The following SRSF1 variants were observed in gnomAD, a reference collection of about 807,000 sequenced individuals.
The protein encoded by SRSF1 is serine/arginine-rich splicing factor 1.
A neutral mutation model predicts 25.9 loss-of-function variants in SRSF1; 1 was observed. That is an observed-to-expected ratio of 0.04 (90% CI 0.01 to 0.18). The LOEUF is 0.18. Among genes scored for constraint, SRSF1 ranks in the 10% least tolerant of loss-of-function variants. SRSF1 has a pLI of 1.00. For synonymous variants in SRSF1, 132 were observed against 126.2 expected (o/e 1.05, Z -0.31); for missense variants, 65 against 350.5 (o/e 0.19, Z 6.50).
At position 58,003,459 on chromosome 17, in the gene SRSF1, A is replaced by G. The variant is rs1406881571; in HGVS notation, c.*1947T>C. The G allele has an allele frequency of 2.0e-5, 3 of 152,238 alleles. No individual in the cohort carries two copies. The highest frequency in any genetic ancestry group is 2.9e-5 in the Non-Finnish European group (2 of 68,044). The allele number at this position is 152,238 out of a possible 1,614,324, so 9.4% of individuals were successfully genotyped here. ...AGATTAACTGATAGACCCAGTTAGAATCTTACATGAAGAGGAAAAAGGACA... is the reference window on the plus strand; with the variant it reads ...AGATTAACTGATAGACCCAGTTAGAGTCTTACATGAAGAGGAAAAAGGACA... On this transcript the variant is annotated 3_prime_UTR_variant, in exon 4 of 4. Coordinates refer to ENST00000258962, the MANE Select transcript of SRSF1 (RefSeq NM_006924.5).
At position 58,005,697 on chromosome 17, in the gene SRSF1, G is replaced by C. The variant is rs1460374173; in HGVS notation, c.553-97C>G. ...CAATGTAACTAAAACCAGAAATCTG[G>C]CAATTTACTTGGACAACCTTGCCTG... On this transcript the variant is annotated intron_variant, in intron 3 of 3. Transcript: ENST00000258962. The surrounding 1 kb of genome is among the most constrained non-coding windows in gnomAD (Gnocchi z 5.2). 6.2e-7 allele frequency: 1 copy of C among 1,607,604 alleles called. No homozygotes were observed. Among genetic ancestry groups the C allele is most frequent in the Admixed American group, 1.7e-5 (1 of 59,320 alleles).
At chr17:57,997,542 G>C (rs1333694127), downstream of SRSF1, among the ~76,000 whole-genome samples, 1 of 152,180 alleles carries the variant, frequency 6.6e-6, no homozygotes, top group East Asian at 1.9e-4. Context: ...AGATGTGATT[G>C]AGAACAGGAT....
the SRSF1 span, chr17:57,989,840 C>T: frequency 2.5e-6 from 1 of 398,260 alleles, no homozygotes; most frequent in East Asian, 3.6e-5. Context: ...GTTTCTGATA[C>T]ATTTATCAGC....
At position 58,002,234 on chromosome 17, in the gene SRSF1, C is replaced by G. The variant is rs1231121858; in HGVS notation, c.*3172G>C. Among the ~76,000 whole-genome samples, 1 of 152,184 alleles carries G rather than the reference C, an allele frequency of 6.6e-6. No individual in the cohort carries two copies. The highest frequency in any genetic ancestry group is 1.5e-5 in the Non-Finnish European group (1 of 68,028). On this transcript the variant is annotated 3_prime_UTR_variant, in exon 4 of 4. Transcript: ENST00000258962. ...AATTCTTAGATAAAAAGAGCTACAT[C>G]CTTAAACTTACACTAAGTACTTAGT...
downstream of SRSF1, among the ~76,000 whole-genome samples, chr17:58,000,140 C>T (rs566562237): frequency 3.5e-4 from 54 of 152,222 alleles, no homozygotes; most frequent in African/African-American, 1.2e-3. Context: ...TAATGAAGCA[C>T]GGAGTGATTT....
In SRSF1 at chr17:58,005,835, C is replaced by T; in HGVS notation, c.518G>A (p.Arg173Gln). 1 of 1,614,122 alleles carries T rather than the reference C, an allele frequency of 6.2e-7. No homozygotes were observed. The highest frequency in any genetic ancestry group is 8.5e-7 in the Non-Finnish European group (1 of 1,180,038). ...VRKEDMTYAV[R>Q]KLDNTKFRSH... The stretch of plus-strand genomic sequence containing the variant: ...TCTAAACTTAGTGTTATCCAGTTTT[C>T]GAACTGCATAGGTCATATCTTCTTT... The change falls in exon 3 of 4, where the codon CGA (arginine) becomes CAA (glutamine). Residue 173 changes from arginine (R) to glutamine (Q), a missense_variant. Physicochemically the swap from Arg to Gln is conservative, Grantham distance 43 (BLOSUM62 1). This residue lies in a region of SRSF1 where 63 missense variants were observed against 284.8 expected (regional missense o/e 0.22). Transcript: ENST00000258962. The surrounding 1 kb of genome is among the most constrained non-coding windows in gnomAD (Gnocchi z 5.2).
chr17:57,998,260 G>C (rs2075372531), downstream of SRSF1, among the ~76,000 whole-genome samples: 1 of 152,106 alleles, frequency 6.6e-6, no homozygotes, highest in African/African-American at 2.4e-5. Context: ...TTATTTTATA[G>C]TTCAAATTTC....
intron 1 of SRSF1, 65 bp downstream of exon 1, chr17:58,006,879 C>T: frequency 6.4e-7 from 1 of 1,572,258 alleles, no homozygotes; most frequent in Non-Finnish European, 8.7e-7. Flanking sequence ...TATGTTAAGG[C>T]CTTGGAGCCT....
Position 58,004,440 on chromosome 17 carries a change from T to C in SRSF1, c.*966A>G, listed in dbSNP as rs1393657283. The stretch of plus-strand genomic sequence containing the variant: ...AGGGGAAGGTGAGACTTAAAAGTAT[T>C]CCCAACTAGATTATCTACACCAATA... On this transcript the variant is annotated 3_prime_UTR_variant, in exon 4 of 4. Coordinates refer to ENST00000258962, the MANE Select transcript of SRSF1 (RefSeq NM_006924.5). 1 of 152,496 alleles carries C rather than the reference T, an allele frequency of 6.6e-6. No homozygotes were observed. Among genetic ancestry groups the C allele is most frequent in the Non-Finnish European group, 1.5e-5 (1 of 68,032 alleles). 9.4% of individuals were successfully genotyped at this position (152,496 alleles called of 1,614,324 possible).
intron 1 of SRSF1, 132 bp from the exon 2 acceptor site, chr17:58,006,659 G>C (rs568782124): frequency 1.8e-6 from 2 of 1,118,282 alleles, no homozygotes; most frequent in African/African-American, 3.2e-5. Flanking sequence ...AATAGGAATG[G>C]CCCCTCCCCC....
At chr17:57,990,337 C>G in the SRSF1 span, 1 of 152,110 alleles carries the variant, frequency 6.6e-6, no homozygotes, top group African/African-American at 2.4e-5. Flanking sequence ...AGGAAAATGG[C>G]TAATTCTATT....
At chr17:58,000,363 T>C (rs1022823510), downstream of SRSF1, among the ~76,000 whole-genome samples, 5 of 152,160 alleles carry the variant, frequency 3.3e-5, no homozygotes, top group Non-Finnish European at 7.4e-5. Flanking sequence ...ACAATCACGA[T>C]AGACATAATG....
chr17:58,001,700 C>T lies in SRSF1; in HGVS notation c.*3706G>A, dbSNP rs2075391970. ...AGTTTCAAAAGGGTGTAACTTTCTT[C>T]TAATAATTGCCAATACGGATAGAGA... is the stretch of plus-strand genomic sequence containing the variant. On this transcript the variant is annotated 3_prime_UTR_variant, in exon 4 of 4. Transcript: ENST00000258962. Among the ~76,000 whole-genome samples the T allele has an allele frequency of 6.6e-6, 1 of 152,158 alleles. No homozygotes were observed. The highest frequency in any genetic ancestry group is 1.9e-4 in the East Asian group (1 of 5,200).
the SRSF1 span, chr17:57,993,822 T>G: frequency 6.6e-6 from 1 of 152,266 alleles, no homozygotes; most frequent in Non-Finnish European, 1.5e-5. Context: ...CCCTGCCCTC[T>G]GCTAGCTTTT....
At chr17:58,006,074 G>C in intron 2 of SRSF1, 101 bp from the exon 3 acceptor site, 2 of 1,151,244 alleles carry the variant, frequency 1.7e-6, no homozygotes, top group Non-Finnish European at 2.4e-6. Flanking sequence ...GTACTTAATA[G>C]GTGTACTTAA....
chr17:57,995,667 T>C, the SRSF1 span, among the ~76,000 whole-genome samples: 4 of 152,218 alleles, frequency 2.6e-5, no homozygotes, highest in Non-Finnish European at 5.9e-5. Context: ...GGTCAGACTT[T>C]TCTCCCCGAG....
chr17:58,006,093 A>G (rs2075425095), intron 2 of SRSF1, 120 bp from the exon 3 acceptor site: 2 of 1,024,694 alleles, frequency 2.0e-6, no homozygotes, highest in Middle Eastern at 2.5e-4. Flanking sequence ...AAGTGATACC[A>G]GGTAAAGAGA....
rs997913217 is a variant in SRSF1, at chr17:58,005,993, T to G, written c.380-20A>C. 1 of 1,603,526 alleles carries G rather than the reference T, an allele frequency of 6.2e-7. No homozygotes were observed. The highest frequency in any genetic ancestry group is 8.5e-7 in the Non-Finnish European group (1 of 1,177,980). On this transcript the variant is annotated intron_variant, in intron 2 of 3. Transcript: ENST00000258962. This position sits in a 1 kb window ranked among gnomAD's most constrained non-coding sequence, Gnocchi z 5.2. ...GCAGTCCTGAAAAAGTGATTTTTTT[T>G]TTCTTAGTACCAATTATCTTAAATT...
downstream of SRSF1, among the ~76,000 whole-genome samples, chr17:58,000,501 C>T (rs1409804626): frequency 6.6e-6 from 1 of 152,130 alleles, no homozygotes; most frequent in Admixed American, 6.5e-5. Flanking sequence ...GTATTGTACA[C>T]TCTAGGATGC....
Sources: allele counts gnomAD v4.1 joint callset (sites outside exome capture counted in the v4.1 genomes callset), GRCh38; gene constraint gnomAD v4.1.1; regional missense constraint gnomAD v4.1.1; non-coding constraint Gnocchi (gnomAD v3.1); transcripts MANE v1.5; gene names NCBI Gene and HGNC (gene_info 2026-07-23, HGNC 2026-07-21).